The following SLC14A2 variants were observed in gnomAD, a reference collection of about 807,000 sequenced individuals.
SLC14A2 encodes the protein urea transporter 2.
Under a neutral mutation model 104.6 loss-of-function variants are expected in SLC14A2, and 91 were observed. That is an observed-to-expected ratio of 0.87 (90% CI 0.73 to 1.04). The LOEUF is 1.04. Among genes scored for constraint, SLC14A2 ranks in the 50% least tolerant of loss-of-function variants. SLC14A2 has a pLI of 0.00. For missense variants in SLC14A2, 1,189 were observed against 1,156.0 expected (o/e 1.03, Z -0.41); for synonymous variants, 476 against 466.4 (o/e 1.02, Z -0.27).
chr18:45,384,460 G>A (rs140538380), intron 1 of SLC14A2, among the ~76,000 whole-genome samples: 6 of 152,282 alleles, frequency 3.9e-5, no homozygotes, highest in South Asian at 2.1e-4. Flanking sequence ...GTAGGAATAA[G>A]CCCACCCACC....
At chr18:45,334,090 G>A (rs1402165562) in intron 1 of SLC14A2, among the ~76,000 whole-genome samples, 2 of 152,188 alleles carry the variant, frequency 1.3e-5, no homozygotes, top group African/African-American at 2.4e-5. Context: ...AAAAGCCTGT[G>A]TTGCTTTTGT....
intron 1 of SLC14A2, among the ~76,000 whole-genome samples, chr18:45,475,748 C>CT (rs567715158): frequency 2.1e-5 from 3 of 140,736 alleles, no homozygotes; most frequent in South Asian, 2.3e-4. Context: ...CCTTCTTTGT[C>CT]TTTTTTTATC....
intron 1 of SLC14A2, among the ~76,000 whole-genome samples, chr18:45,375,801 C>T (rs529238021): frequency 6.6e-6 from 1 of 152,302 alleles, no homozygotes; most frequent in South Asian, 2.1e-4. Flanking sequence ...CATCACTTTC[C>T]TTTTCATCCT....
chr18:45,183,645 T>TTTTC, the SLC14A2 span, among the ~76,000 whole-genome samples: 85,357 of 150,882 alleles, frequency 0.57, 24,696 homozygotes, highest in Non-Finnish European at 0.64. Flanking sequence ...TTTCTTTTCC[T>TTTTC]TTTCTTTCTT....
intron 1 of SLC14A2, among the ~76,000 whole-genome samples, chr18:45,462,521 G>A (rs1170586526): frequency 6.6e-6 from 1 of 152,212 alleles, no homozygotes; most frequent in African/African-American, 2.4e-5. Context: ...TTGAAACGGA[G>A]CAGAGAAAGA....
At chr18:45,360,242 C>T (rs1339313014) in intron 1 of SLC14A2, among the ~76,000 whole-genome samples, 3 of 152,230 alleles carry the variant, frequency 2.0e-5, no homozygotes, top group Admixed American at 6.5e-5. Context: ...GTTGGAACCA[C>T]AGAAGCCAGT....
chr18:45,211,823 A>G (rs559520084), upstream of SLC14A2, among the ~76,000 whole-genome samples: 57 of 152,318 alleles, frequency 3.7e-4, no homozygotes, highest in African/African-American at 7.7e-4. Context: ...AAAATCTCCA[A>G]TGACAAAAAC....
At chr18:45,307,889 T>C (rs1167699624) in intron 1 of SLC14A2, among the ~76,000 whole-genome samples, 1 of 152,176 alleles carries the variant, frequency 6.6e-6, no homozygotes, top group Admixed American at 6.5e-5. Context: ...TGGCTTATGG[T>C]TCTGCAAGCT....
intron 1 of SLC14A2, among the ~76,000 whole-genome samples, chr18:45,477,825 C>T (rs2087413444): frequency 6.6e-6 from 1 of 152,178 alleles, no homozygotes; most frequent in Non-Finnish European, 1.5e-5. Flanking sequence ...ATGGCGGATG[C>T]CCTTACCCCA....
intron 1 of SLC14A2, among the ~76,000 whole-genome samples, chr18:45,252,430 T>C (rs967598933): frequency 6.6e-6 from 1 of 152,208 alleles, no homozygotes; most frequent in Non-Finnish European, 1.5e-5. Context: ...CTTTGTTAAA[T>C]ATAGATAGAC....
intron 1 of SLC14A2, among the ~76,000 whole-genome samples, chr18:45,320,031 C>T (rs959572966): frequency 3.3e-5 from 5 of 152,146 alleles, no homozygotes; most frequent in Non-Finnish European, 7.4e-5. Flanking sequence ...CGTTGGGAGA[C>T]CAGACTCCAC....
chr18:45,364,781 T>C (rs1221426924), intron 1 of SLC14A2, among the ~76,000 whole-genome samples: 1 of 152,194 alleles, frequency 6.6e-6, no homozygotes, highest in Non-Finnish European at 1.5e-5. Context: ...CAATATTGTC[T>C]CGAGTTTTTT....
chr18:45,572,040 A>T (rs1568281146), intron 2 of SLC14A2, among the ~76,000 whole-genome samples: 1 of 152,090 alleles, frequency 6.6e-6, no homozygotes, highest in African/African-American at 2.4e-5. Context: ...CCAGATATGG[A>T]TTTTTTTAAA....
chr18:45,409,240 T>C (rs536656525), intron 1 of SLC14A2, among the ~76,000 whole-genome samples: 1 of 152,296 alleles, frequency 6.6e-6, no homozygotes, highest in South Asian at 2.1e-4. Flanking sequence ...CAAGGAGCTG[T>C]TATGAGTACT....
In SLC14A2 at chr18:45,683,471, T is replaced by C. The variant is rs558553703; in HGVS notation, c.*952T>C. On this transcript the variant is annotated 3_prime_UTR_variant, in exon 20 of 20. Transcript: ENST00000255226. ...AGGAAAATGTTAACGTTCTATAAAG[T>C]TTTATTCTTGAGTCATAGGAAAATG... 1 of 152,308 alleles carries C rather than the reference T, an allele frequency of 6.6e-6. No individual in the cohort carries two copies. Among genetic ancestry groups the C allele is most frequent in the South Asian group, 2.1e-4 (1 of 4,822 alleles). The allele number at this position is 152,308 out of a possible 1,614,324, so 9.4% of individuals were successfully genotyped here.
At chr18:45,554,446 T>G (rs1311701332) in intron 2 of SLC14A2, among the ~76,000 whole-genome samples, 1 of 152,176 alleles carries the variant, frequency 6.6e-6, no homozygotes, top group Non-Finnish European at 1.5e-5. Flanking sequence ...ATGATCATTT[T>G]ACAACGTTTG....
At chr18:45,447,705 G>T (rs1387637516) in intron 1 of SLC14A2, 1 of 152,124 alleles carries the variant, frequency 6.6e-6, no homozygotes, top group Admixed American at 6.5e-5. Context: ...GATTCATAAT[G>T]CATGGACTTT....
chr18:45,579,715 CAAAT>C (rs1392307256), intron 2 of SLC14A2, among the ~76,000 whole-genome samples: 4 of 152,202 alleles, frequency 2.6e-5, no homozygotes, highest in Non-Finnish European at 5.9e-5. Flanking sequence ...GCTACAGTGA[CAAAT>C]AAAACCTCAT....
At chr18:45,175,046 G>C in the SLC14A2 span, among the ~76,000 whole-genome samples, 1 of 152,088 alleles carries the variant, frequency 6.6e-6, no homozygotes, top group Non-Finnish European at 1.5e-5. Flanking sequence ...GTACAACCCC[G>C]ATGAAGGGCA....
Sources: allele counts gnomAD v4.1 joint callset (sites outside exome capture counted in the v4.1 genomes callset), GRCh38; gene constraint gnomAD v4.1.1; transcripts MANE v1.5; gene names NCBI Gene and HGNC (gene_info 2026-07-23, HGNC 2026-07-21).